The following SEMA3A variants were observed in gnomAD, a reference collection of about 807,000 sequenced individuals.
SEMA3A encodes semaphorin-3A.
Under a neutral mutation model 97.9 loss-of-function variants are expected in SEMA3A, and 29 were observed. That is an observed-to-expected ratio of 0.30 (90% CI 0.22 to 0.40). The LOEUF is 0.40. Ranked by LOEUF, SEMA3A falls within the 10% of genes least tolerant of loss-of-function variation. The probability of loss-of-function intolerance (pLI) is 1.00; values close to 1 mark genes in which losing one functional copy is unlikely to be tolerated. For synonymous variants in SEMA3A, 321 were observed against 323.7 expected, an observed-to-expected ratio of 0.99 and a Z score of 0.09; for missense variants, 763 against 951.3, an observed-to-expected ratio of 0.80 and a Z score of 2.60.
chr7:84,108,567 G>C (rs1376582467), intron 4 of SEMA3A, among the ~76,000 whole-genome samples: 8 of 152,154 alleles, frequency 5.3e-5, no homozygotes, highest in Admixed American at 5.2e-4. Flanking sequence ...TCTGAAGCTA[G>C]ATGTGACACC....
At chr7:84,063,225 A>G (rs1793326715) in intron 4 of SEMA3A, among the ~76,000 whole-genome samples, 1 of 151,152 alleles carries the variant, frequency 6.6e-6, no homozygotes, top group South Asian at 2.1e-4. Context: ...GTTAGAAGGA[A>G]AACTAACAAA....
chr7:84,175,810 T>C (rs1454882690), intron 1 of SEMA3A, among the ~76,000 whole-genome samples: 2 of 152,168 alleles, frequency 1.3e-5, no homozygotes, highest in Non-Finnish European at 2.9e-5. Context: ...CAGTTGTAGA[T>C]ATGTACTATT....
intron 6 of SEMA3A, among the ~76,000 whole-genome samples, chr7:84,026,077 T>C (rs753571718): frequency 9.4e-4 from 143 of 152,318 alleles, no homozygotes; most frequent in Non-Finnish European, 1.6e-3. Context: ...TAAATGGTCA[T>C]AACCAAAAGC....
At chr7:84,408,709 A>T (rs889318647) in intron 1 of SEMA3A, among the ~76,000 whole-genome samples, 1 of 114,084 alleles carries the variant, frequency 8.8e-6, no homozygotes, top group Non-Finnish European at 1.7e-5. Flanking sequence ...AATACTATGC[A>T]GCCATAAAAA....
intron 1 of SEMA3A, among the ~76,000 whole-genome samples, chr7:84,460,737 A>G (rs901956501): frequency 4.6e-5 from 7 of 152,330 alleles, no homozygotes; most frequent in Non-Finnish European, 7.3e-5. Context: ...GCAGTTTAAG[A>G]TACACAAAGC....
chr7:84,194,757 A>G lies in SEMA3A; in HGVS notation c.-171T>C, dbSNP rs185402903. ...CAACACTAACACCTCTTCTTCTGTA[A>G]CAGTCACTGAAGCACAGAAACTTCA... On this transcript the variant is annotated 5_prime_UTR_variant, in exon 1 of 17. Coordinates refer to ENST00000265362, the MANE Select transcript of SEMA3A (RefSeq NM_006080.3). 378 of 429,856 alleles carry G rather than the reference A, an allele frequency of 8.8e-4. 1 individual carries two copies. The highest frequency in any genetic ancestry group is 2.8e-3 in the Admixed American group (68 of 24,030). The allele number at this position is 429,856 out of a possible 1,614,324, so 26.6% of individuals were successfully genotyped here. A position where few individuals can be genotyped will look rare whatever the true frequency, so the allele number is the denominator to read the frequency against.
chr7:83,989,403 G>C (rs563863008), intron 12 of SEMA3A, among the ~76,000 whole-genome samples: 1 of 150,446 alleles, frequency 6.6e-6, no homozygotes, highest in Non-Finnish European at 1.5e-5. Context: ...TGCCATGCTG[G>C]TGCACTGCAC....
chr7:84,258,797 C>A (rs1799775427), intron 3 of SEMA3A, among the ~76,000 whole-genome samples: 2 of 152,132 alleles, frequency 1.3e-5, no homozygotes, highest in Non-Finnish European at 2.9e-5. Flanking sequence ...CACTTCTAGT[C>A]ATAAATTCCA....
intron 2 of SEMA3A, among the ~76,000 whole-genome samples, chr7:84,329,613 A>G (rs1205661416): frequency 6.6e-6 from 1 of 152,042 alleles, no homozygotes; most frequent in African/African-American, 2.4e-5. Flanking sequence ...TAGAAGAAAG[A>G]CTGAACAATT....
chr7:83,990,979 T>C (rs1417143919), intron 12 of SEMA3A, among the ~76,000 whole-genome samples: 1 of 152,090 alleles, frequency 6.6e-6, no homozygotes, highest in Non-Finnish European at 1.5e-5. Flanking sequence ...TTTGTTTGTA[T>C]CCTCTTTTAT....
At chr7:84,396,380 T>C (rs1803733358) in intron 1 of SEMA3A, among the ~76,000 whole-genome samples, 1 of 151,784 alleles carries the variant, frequency 6.6e-6, no homozygotes, top group African/African-American at 2.4e-5. Context: ...TATAGTCGTA[T>C]AGTAATGTAA....
chr7:84,305,984 A>G (rs1472295197), intron 3 of SEMA3A, among the ~76,000 whole-genome samples: 2 of 151,654 alleles, frequency 1.3e-5, no homozygotes, highest in Non-Finnish European at 2.9e-5. Flanking sequence ...GTATAAATGT[A>G]CATGTATGTA....
In SEMA3A at chr7:83,956,562, T is replaced by G. The variant is rs1562936953; in HGVS notation, c.*4809A>C. 1 of 152,094 alleles carries G rather than the reference T, an allele frequency of 6.6e-6. No homozygotes were observed. The highest frequency in any genetic ancestry group is 1.5e-5 in the Non-Finnish European group (1 of 68,028). 9.4% of individuals were successfully genotyped at this position (152,094 alleles called of 1,614,324 possible). On this transcript the variant is annotated 3_prime_UTR_variant, in exon 17 of 17. Transcript: ENST00000265362. Reference sequence around the variant, plus strand: ...ATTAAGAAGGAAGGTAAAGAGATTGTGGGGTGGAAGTGTAGGAGGCTGAAT... The same window carrying G: ...ATTAAGAAGGAAGGTAAAGAGATTGGGGGGTGGAAGTGTAGGAGGCTGAAT...
intron 4 of SEMA3A, among the ~76,000 whole-genome samples, chr7:84,083,122 A>G (rs1165597495): frequency 6.6e-6 from 1 of 151,850 alleles, no homozygotes; most frequent in African/African-American, 2.4e-5. Flanking sequence ...TGGTAAATAA[A>G]CCAATGTATG....
At chr7:84,316,660 C>A (rs1801510691) in intron 2 of SEMA3A, among the ~76,000 whole-genome samples, 2 of 152,082 alleles carry the variant, frequency 1.3e-5, no homozygotes, top group Non-Finnish European at 2.9e-5. Context: ...AATCTTCTCT[C>A]CTGTTACTTG....
intron 2 of SEMA3A, among the ~76,000 whole-genome samples, chr7:84,314,207 A>C (rs1282740171): frequency 6.6e-6 from 1 of 152,106 alleles, no homozygotes; most frequent in Non-Finnish European, 1.5e-5. Flanking sequence ...ATCCTCTCAG[A>C]ATTCAGTCAG....
intron 2 of SEMA3A, among the ~76,000 whole-genome samples, chr7:84,330,356 G>T (rs1801882136): frequency 6.6e-6 from 1 of 151,942 alleles, no homozygotes; most frequent in Non-Finnish European, 1.5e-5. Flanking sequence ...CTTTTTAAAT[G>T]TACCTCCTGA....
chr7:84,312,522 T>C (rs559407853), intron 2 of SEMA3A, among the ~76,000 whole-genome samples: 3 of 151,806 alleles, frequency 2.0e-5, no homozygotes, highest in South Asian at 4.1e-4. Context: ...AGTTTATTCA[T>C]ACATTAAGAT....
At chr7:84,482,305 AAATGCGTATGTATTTTAT>A (rs1361336215) in intron 1 of SEMA3A, among the ~76,000 whole-genome samples, 1 of 152,164 alleles carries the variant, frequency 6.6e-6, no homozygotes, top group Non-Finnish European at 1.5e-5. Flanking sequence ...ATGCACATAT[AAATGCGTATGTATTTTAT>A]AATTATTGTA....
Sources: gnomAD v4.1 joint callset for allele counts (sites outside exome capture counted in the v4.1 genomes callset) on GRCh38, gnomAD v4.1.1 for gene constraint, MANE v1.5 for transcripts, NCBI Gene and HGNC (gene_info 2026-07-23, HGNC 2026-07-21) for gene names.